The following MAPKAP1 variants were observed in gnomAD, a reference collection of about 807,000 sequenced individuals.
MAPKAP1 encodes the protein target of rapamycin complex 2 subunit MAPKAP1.
In MAPKAP1, 20 loss-of-function variants were observed where a neutral mutation model predicts 65.7. The ratio of observed to expected loss-of-function variants is 0.30; its 90% CI spans 0.21 to 0.44. The LOEUF (loss-of-function observed/expected upper bound fraction) is 0.44, where lower values mean the gene tolerates loss of function less well. Ranked by LOEUF, MAPKAP1 falls within the 20% of genes least tolerant of loss-of-function variation. The pLI, the probability that MAPKAP1 is intolerant of heterozygous loss-of-function variation, is 1.00. For synonymous variants in MAPKAP1, 222 were observed against 244.3 expected (o/e 0.91, Z 0.85); for missense variants, 423 against 648.0 (o/e 0.65, Z 3.77).
intron 9 of MAPKAP1, among the ~76,000 whole-genome samples, chr9:125,481,633 G>C (rs1212902951): frequency 6.6e-6 from 1 of 151,882 alleles, no homozygotes; most frequent in East Asian, 1.9e-4. Flanking sequence ...TGTCGCCCAG[G>C]CTGGTCCTGA....
intron 5 of MAPKAP1, among the ~76,000 whole-genome samples, chr9:125,580,842 T>C (rs1161097449): frequency 6.6e-6 from 1 of 152,178 alleles, no homozygotes; most frequent in Non-Finnish European, 1.5e-5. Flanking sequence ...AGAAGCTCTT[T>C]TTTACCACCC....
At chr9:125,691,591 G>T (rs1835172234) in intron 1 of MAPKAP1, among the ~76,000 whole-genome samples, 1 of 151,680 alleles carries the variant, frequency 6.6e-6, no homozygotes, top group Non-Finnish European at 1.5e-5. Context: ...TGCCCAGGGA[G>T]AATATGTAAG....
At chr9:125,475,218 C>G (rs1054834276) in intron 9 of MAPKAP1, among the ~76,000 whole-genome samples, 2 of 152,184 alleles carry the variant, frequency 1.3e-5, no homozygotes, top group African/African-American at 2.4e-5. Flanking sequence ...TACTACCAGG[C>G]CAGGGCTTAA....
chr9:125,589,412 C>T (rs1831886730), intron 4 of MAPKAP1, among the ~76,000 whole-genome samples: 1 of 152,178 alleles, frequency 6.6e-6, no homozygotes, highest in Admixed American at 6.5e-5. Flanking sequence ...GTACCTGGCA[C>T]ACAGAAGACC....
At chr9:125,594,099 T>C (rs924052062) in intron 4 of MAPKAP1, among the ~76,000 whole-genome samples, 1 of 152,250 alleles carries the variant, frequency 6.6e-6, no homozygotes, top group African/African-American at 2.4e-5. Flanking sequence ...CCATGCTTAT[T>C]GCCAACGCCC....
intron 4 of MAPKAP1, among the ~76,000 whole-genome samples, chr9:125,633,853 G>T (rs1833354164): frequency 6.6e-6 from 1 of 152,164 alleles, no homozygotes; most frequent in Admixed American, 6.5e-5. Context: ...AATGCATGTG[G>T]AGATATTATA....
At chr9:125,600,378 C>T (rs1482971112) in intron 4 of MAPKAP1, among the ~76,000 whole-genome samples, 1 of 152,190 alleles carries the variant, frequency 6.6e-6, no homozygotes, top group Non-Finnish European at 1.5e-5. Context: ...TGGACTCTGG[C>T]CCTGCCAGCC....
At chr9:125,610,628 C>T (rs867116802) in intron 4 of MAPKAP1, among the ~76,000 whole-genome samples, 1 of 152,130 alleles carries the variant, frequency 6.6e-6, no homozygotes, top group Non-Finnish European at 1.5e-5. Context: ...TAAGGTTTCC[C>T]GACTGACCTC....
At position 125,543,138 on chromosome 9, in the gene MAPKAP1, C is replaced by T; in HGVS notation, c.879G>A (p.Gln293=). The T allele has an allele frequency of 6.2e-6, 10 of 1,613,450 alleles. No individual in the cohort carries two copies. The highest frequency in any genetic ancestry group is 2.2e-5 in the East Asian group (1 of 44,872). The part of the protein sequence containing the change: ...INAAHGFSLI[Q]VDNTKVTMKE... ...TCATGGTAACCTTTGTGTTGTCCAC[C>T]TGAATAAGGGAGAATCCATGAGCAG... is the stretch of plus-strand genomic sequence containing the variant. The change falls in exon 7 of 12, where the codon CAG becomes CAA. Residue 293 remains glutamine, a synonymous_variant. Transcript: ENST00000265960.
chr9:125,502,864 A>G (rs183003347), intron 8 of MAPKAP1, among the ~76,000 whole-genome samples: 41 of 152,290 alleles, frequency 2.7e-4, no homozygotes, highest in African/African-American at 9.1e-4. Flanking sequence ...TGCTGTTTCA[A>G]TTACTGAGAG....
At chr9:125,509,484 A>G (rs1045206703) in intron 7 of MAPKAP1, among the ~76,000 whole-genome samples, 9 of 152,162 alleles carry the variant, frequency 5.9e-5, no homozygotes, top group African/African-American at 1.9e-4. Context: ...AAGTTCTCCA[A>G]TTTCTTACTA....
intron 1 of MAPKAP1, among the ~76,000 whole-genome samples, chr9:125,701,315 A>G (rs532698631): frequency 6.6e-6 from 1 of 152,360 alleles, no homozygotes; most frequent in South Asian, 2.1e-4. Context: ...TATATTAGTA[A>G]AAGTATACTC....
At chr9:125,570,174 G>T (rs1337664005) in intron 5 of MAPKAP1, among the ~76,000 whole-genome samples, 4 of 151,828 alleles carry the variant, frequency 2.6e-5, no homozygotes, top group Non-Finnish European at 5.9e-5. Context: ...TATAAGAAAG[G>T]ATCTTGTATG....
chr9:125,585,862 A>G (rs1183599881), intron 4 of MAPKAP1, 135 bp from the exon 5 acceptor site: 1 of 775,358 alleles, frequency 1.3e-6, no homozygotes, highest in African/African-American at 1.7e-5. Context: ...GAATGGTCCC[A>G]AAGTGGAAAC....
chr9:125,531,911 A>G (rs1829944533), intron 7 of MAPKAP1, among the ~76,000 whole-genome samples: 1 of 152,224 alleles, frequency 6.6e-6, no homozygotes, highest in South Asian at 2.1e-4. Flanking sequence ...TTTTACTTTT[A>G]GGTAAAATTT....
At chr9:125,672,779 AT>A in intron 1 of MAPKAP1, 136 bp from the exon 2 acceptor site, 1 of 627,634 alleles carries the variant, frequency 1.6e-6, no homozygotes, top group Non-Finnish European at 2.8e-6. Flanking sequence ...GCTTAAAAGG[AT>A]TTAGTCTAAG....
intron 4 of MAPKAP1, among the ~76,000 whole-genome samples, chr9:125,624,860 T>C (rs956687239): frequency 4.6e-5 from 4 of 86,024 alleles, no homozygotes; most frequent in African/African-American, 1.7e-4. Context: ...TGGAAGGAAG[T>C]AGACATGGGA....
At chr9:125,475,488 A>G (rs1854071027) in intron 9 of MAPKAP1, among the ~76,000 whole-genome samples, 3 of 152,206 alleles carry the variant, frequency 2.0e-5, no homozygotes, top group Admixed American at 6.5e-5. Flanking sequence ...AAAGCTGCCA[A>G]TTCCAATATG....
intron 7 of MAPKAP1, among the ~76,000 whole-genome samples, chr9:125,539,377 G>A (rs975362646): frequency 2.6e-5 from 4 of 152,152 alleles, no homozygotes; most frequent in African/African-American, 4.8e-5. Flanking sequence ...TGAGACTACT[G>A]AGACAAGTTA....
Sources: gnomAD v4.1 joint callset for allele counts (sites outside exome capture counted in the v4.1 genomes callset) on GRCh38, gnomAD v4.1.1 for gene constraint, MANE v1.5 for transcripts, NCBI Gene and HGNC (gene_info 2026-07-23, HGNC 2026-07-21) for gene names.